Variants in KLF8 observed in about 807,000 individuals in gnomAD.
KLF8 encodes the protein Krueppel-like factor 8.
Under a neutral mutation model 18.2 loss-of-function variants are expected in KLF8, and 10 were observed. The observed-to-expected ratio is 0.55, with a 90% CI of 0.34 to 0.93. The LOEUF (loss-of-function observed/expected upper bound fraction) is 0.93, where lower values mean the gene tolerates loss of function less well. Among genes scored for constraint, KLF8 ranks in the 40% least tolerant of loss-of-function variants. KLF8 has a pLI of 0.02. For synonymous variants in KLF8, 109 were observed against 97.3 expected, an observed-to-expected ratio of 1.12 and a Z score of -0.71; for missense variants, 264 against 277.9, an observed-to-expected ratio of 0.95 and a Z score of 0.36.
chrX:56,195,178 C>A, the KLF8 span, among the ~76,000 whole-genome samples: 1 of 112,312 alleles, frequency 8.9e-6, no homozygotes, highest in Admixed American at 9.4e-5. Context: ...CTCTTCTACT[C>A]CAAAGGATCA....
At chrX:56,017,579 C>T in the KLF8 span, among the ~76,000 whole-genome samples, 1 of 111,934 alleles carries the variant, frequency 8.9e-6, no homozygotes, top group African/African-American at 3.2e-5. Flanking sequence ...AGCAAGTATT[C>T]CCCCAGTGCA....
the KLF8 span, among the ~76,000 whole-genome samples, chrX:56,065,364 T>C: frequency 8.9e-6 from 1 of 112,054 alleles, no homozygotes; most frequent in African/African-American, 3.2e-5. Flanking sequence ...TAGCCTAGTT[T>C]TGAAACTTAC....
At chrX:56,280,404 T>C (rs2067184983) in intron 5 of KLF8, among the ~76,000 whole-genome samples, 1 of 111,529 alleles carries the variant, frequency 9.0e-6, no homozygotes, top group South Asian at 3.8e-4. Context: ...TGGCTAATTT[T>C]GTTTATTTTT....
chrX:56,184,657 G>T, the KLF8 span, among the ~76,000 whole-genome samples: 2 of 111,401 alleles, frequency 1.8e-5, no homozygotes, highest in Admixed American at 9.6e-5. Flanking sequence ...CACACGGCCG[G>T]GTACTCCTCT....
At chrX:56,198,182 C>G in the KLF8 span, among the ~76,000 whole-genome samples, 1 of 111,772 alleles carries the variant, frequency 8.9e-6, no homozygotes, top group African/African-American at 3.3e-5. Flanking sequence ...CTGGCACAAG[C>G]AAGGATGCCC....
the KLF8 span, among the ~76,000 whole-genome samples, chrX:56,146,995 T>C: frequency 8.9e-5 from 10 of 112,181 alleles, no homozygotes; most frequent in African/African-American, 3.2e-4. Context: ...TGGGTGAGTG[T>C]ATGACTATGG....
At chrX:56,036,668 T>A in the KLF8 span, among the ~76,000 whole-genome samples, 55 of 112,196 alleles carry the variant, frequency 4.9e-4, no homozygotes, top group Non-Finnish European at 9.4e-4. Flanking sequence ...TTAGAGTCTT[T>A]TGTAGTTCCA....
chrX:56,169,229 C>T, the KLF8 span, among the ~76,000 whole-genome samples: 1 of 111,456 alleles, frequency 9.0e-6, no homozygotes, highest in Non-Finnish European at 1.9e-5. Context: ...GGGTAAGACT[C>T]AGATTTACCG....
chrX:56,184,188 C>T, the KLF8 span, among the ~76,000 whole-genome samples: 4 of 112,291 alleles, frequency 3.6e-5, no homozygotes, highest in African/African-American at 9.7e-5. Context: ...GCATTTCCGA[C>T]GGGCTTAAAA....
the KLF8 span, among the ~76,000 whole-genome samples, chrX:56,071,707 C>A: frequency 4.5e-5 from 5 of 111,606 alleles, no homozygotes; most frequent in Admixed American, 4.8e-4. Context: ...AAAACAGTAC[C>A]TAATTTGGTC....
chrX:56,176,168 T>A, the KLF8 span, among the ~76,000 whole-genome samples: 1 of 112,153 alleles, frequency 8.9e-6, no homozygotes, highest in Non-Finnish European at 1.9e-5. Flanking sequence ...GTTATTTTGC[T>A]CATTAGCTGA....
chrX:56,074,321 T>A, the KLF8 span, among the ~76,000 whole-genome samples: 2 of 111,754 alleles, frequency 1.8e-5, no homozygotes, highest in African/African-American at 6.5e-5. Context: ...TTTTCCTTTT[T>A]TTGCCTTTTG....
Position 56,289,942 on chromosome X carries a change from C to T in KLF8, c.*5448C>T, listed in dbSNP as rs1416888285. 1.8e-5 allele frequency among the ~76,000 whole-genome samples: 2 copies of T among 111,638 alleles called. No homozygotes were observed. Among genetic ancestry groups the T allele is most frequent in the East Asian group, 5.6e-4 (2 of 3,578 alleles). On this transcript the variant is annotated 3_prime_UTR_variant, in exon 6 of 6. Transcript: ENST00000468660. ...AAAGTTTTCTCATGAACCAAACCAT[C>T]AAGAATGTACCTAACCTTAAATAAG...
the KLF8 span, among the ~76,000 whole-genome samples, chrX:55,976,439 A>G: frequency 5.1e-4 from 57 of 111,582 alleles, no homozygotes; most frequent in African/African-American, 1.8e-3. Flanking sequence ...GATTTCACAT[A>G]TAAGTGAGAT....
chrX:55,956,186 A>C, the KLF8 span, among the ~76,000 whole-genome samples: 7 of 106,158 alleles, frequency 6.6e-5, no homozygotes, highest in Non-Finnish European at 1.3e-4. Flanking sequence ...CTATCTATCT[A>C]TCTATGTATC....
At chrX:56,175,124 C>T in the KLF8 span, among the ~76,000 whole-genome samples, 2 of 110,948 alleles carry the variant, frequency 1.8e-5, no homozygotes, top group Non-Finnish European at 3.8e-5. Flanking sequence ...TTAGTTATTT[C>T]TTGCCTTCTG....
At chrX:55,930,948 C>G in the KLF8 span, among the ~76,000 whole-genome samples, 1 of 111,850 alleles carries the variant, frequency 8.9e-6, no homozygotes, top group Non-Finnish European at 1.9e-5. Context: ...GGAATAGTTT[C>G]AGAAGGAATG....
At chrX:55,931,857 G>T in the KLF8 span, among the ~76,000 whole-genome samples, 3 of 110,576 alleles carry the variant, frequency 2.7e-5, no homozygotes, top group Non-Finnish European at 5.7e-5. Context: ...ATTTGGAGTG[G>T]AGAGTTCTGT....
the KLF8 span, among the ~76,000 whole-genome samples, chrX:56,088,582 C>A: frequency 4.5e-5 from 5 of 111,605 alleles, no homozygotes; most frequent in Admixed American, 4.8e-4. Context: ...CTTTTTATTA[C>A]CTGATATTTT....
Sources: gnomAD v4.1 joint callset for allele counts (sites outside exome capture counted in the v4.1 genomes callset) on GRCh38, gnomAD v4.1.1 for gene constraint, MANE v1.5 for transcripts, NCBI Gene and HGNC (gene_info 2026-07-23, HGNC 2026-07-21) for gene names.